CUX1: variants seen among roughly 807,000 people sequenced by gnomAD.
CUX1 encodes cut like homeobox 1, also known as protein CASP.
A neutral mutation model predicts 158.8 loss-of-function variants in CUX1; 31 were observed. The ratio of observed to expected loss-of-function variants is 0.20; its 90% CI spans 0.15 to 0.26. The LOEUF is 0.26. Among genes scored for constraint, CUX1 ranks in the 10% least tolerant of loss-of-function variants. The probability of loss-of-function intolerance (pLI) is 1.00; values close to 1 mark genes in which losing one functional copy is unlikely to be tolerated. For missense variants in CUX1, 1,589 were observed against 2,014.6 expected, an observed-to-expected ratio of 0.79 and a Z score of 4.04; for synonymous variants, 879 against 862.1, an observed-to-expected ratio of 1.02 and a Z score of -0.34.
At chr7:102,139,153 G>A (rs1204717550) in intron 8 of CUX1, among the ~76,000 whole-genome samples, 10 of 151,510 alleles carry the variant, frequency 6.6e-5, no homozygotes, top group African/African-American at 2.4e-4. Context: ...GCTGAGACCC[G>A]GGAATCACTT....
chr7:101,860,205 A>G (rs954470553), intron 1 of CUX1, among the ~76,000 whole-genome samples: 3 of 152,114 alleles, frequency 2.0e-5, no homozygotes, highest in Non-Finnish European at 1.5e-5. Context: ...TTCTTAAGAA[A>G]ATGTTTTCCT....
chr7:102,120,595 A>T (rs1831933209), intron 8 of CUX1, among the ~76,000 whole-genome samples: 1 of 152,232 alleles, frequency 6.6e-6, no homozygotes, highest in African/African-American at 2.4e-5. Flanking sequence ...ACTTAGGTTA[A>T]TTTTAGAGTA....
At chr7:101,890,255 CT>C (rs1358833344) in intron 1 of CUX1, among the ~76,000 whole-genome samples, 1 of 152,158 alleles carries the variant, frequency 6.6e-6, no homozygotes, top group Non-Finnish European at 1.5e-5. Context: ...TGTGGGGAGT[CT>C]TTTGGTTCAC....
chr7:102,104,425 C>G lies in CUX1; in HGVS notation c.496C>G (p.Gln166Glu), dbSNP rs1554487751. ...CGAAACCATAGCTCTTGAGAAGGAACAGAAGTTACAGAATGACTTTGCAGA... is the reference window on the plus strand; with the variant it reads ...CGAAACCATAGCTCTTGAGAAGGAAGAGAAGTTACAGAATGACTTTGCAGA... ...QAETIALEKEQKLQNDFAEKE... is the reference protein window; with the variant it reads ...QAETIALEKEEKLQNDFAEKE... The change falls in exon 6 of 24, where the codon CAG (glutamine) becomes GAG (glutamate). Residue 166 changes from glutamine (Q) to glutamate (E), a missense_variant. Gln to Glu is a conservative substitution (Grantham distance 29). Transcript: ENST00000292535. 2.5e-6 allele frequency: 4 copies of G among 1,612,860 alleles called. No individual in the cohort carries two copies. The highest frequency in any genetic ancestry group is 1.7e-5 in the Admixed American group (1 of 59,964).
At chr7:101,950,753 G>A (rs924325046) in intron 2 of CUX1, among the ~76,000 whole-genome samples, 7 of 152,060 alleles carry the variant, frequency 4.6e-5, no homozygotes, top group African/African-American at 1.4e-4. Flanking sequence ...GTCTCACTAC[G>A]TTGGCCAGGC....
chr7:102,022,510 C>T (rs553349020), intron 2 of CUX1, among the ~76,000 whole-genome samples: 5 of 151,696 alleles, frequency 3.3e-5, no homozygotes, highest in East Asian at 3.9e-4. Flanking sequence ...TCCAGCTGCT[C>T]GGGGTGCTGA....
rs10643207 is a variant in CUX1, at chr7:101,976,900, A to ATTTTTTTTTTTTTTTTTTTTTTTTT, written c.142-51194_142-51170dup. On this transcript the variant is annotated intron_variant, in intron 2 of 23. Coordinates refer to ENST00000292535, the MANE Select transcript of CUX1 (RefSeq NM_181552.4). ...ATTTGAATAGTCTTTTCCCTTTCTG[A>ATTTTTTTTTTTTTTTTTTTTTTTTT]TTTTTTTTTTTTTTTTTTTTTTTTT... Among the ~76,000 whole-genome samples, 5 of 39,462 alleles carry ATTTTTTTTTTTTTTTTTTTTTTTTT rather than the reference A, an allele frequency of 1.3e-4. 1 individual carries two copies. Among genetic ancestry groups the ATTTTTTTTTTTTTTTTTTTTTTTTT allele is most frequent in the African/African-American group, 3.3e-4 (3 of 9,022 alleles). 25.9% of individuals were successfully genotyped at this position (39,462 alleles called of 152,430 possible).
At chr7:101,976,825 C>A (rs1038620817) in intron 2 of CUX1, among the ~76,000 whole-genome samples, 1 of 150,412 alleles carries the variant, frequency 6.6e-6, no homozygotes, top group East Asian at 1.9e-4. Context: ...GCTCCAACTT[C>A]CCGAGATTTA....
chr7:102,006,909 A>T (rs1048164762), intron 2 of CUX1, among the ~76,000 whole-genome samples: 1 of 152,246 alleles, frequency 6.6e-6, no homozygotes. Context: ...GCCGGGATGC[A>T]GCGGAAAGCC....
Position 102,201,060 on chromosome 7 carries a change from G to T in CUX1, c.2063-300G>T, listed in dbSNP as rs928269550. Among the ~76,000 whole-genome samples the T allele has an allele frequency of 7.0e-6, 1 of 142,282 alleles. No homozygotes were observed. The highest frequency in any genetic ancestry group is 2.2e-4 in the South Asian group (1 of 4,480). 93.3% of individuals were successfully genotyped at this position (142,282 alleles called of 152,430 possible). A position where few individuals can be genotyped will look rare whatever the true frequency, so the allele number is the denominator to read the frequency against. ...AAAAAAAAAAAAAAAAAAAATTCTCGGGGAAAGGAGCCCCAGGAGGGCAGG... is the reference window on the plus strand; with the variant it reads ...AAAAAAAAAAAAAAAAAAAATTCTCTGGGAAAGGAGCCCCAGGAGGGCAGG... On this transcript the variant is annotated intron_variant, in intron 17 of 23. Transcript: ENST00000292535. This position sits in a 1 kb window ranked among gnomAD's most constrained non-coding sequence, Gnocchi z 5.0.
chr7:101,848,869 A>T lies in CUX1; in HGVS notation c.30+31200A>T, dbSNP rs1190321198. On this transcript the variant is annotated intron_variant, in intron 1 of 23. Transcript: ENST00000292535. ...CTCCAGGAAACGGAAAAAAAAAAAGAGTTTGAAAAAAGTGTGTAGACTAAC... is the reference window on the plus strand; with the variant it reads ...CTCCAGGAAACGGAAAAAAAAAAAGTGTTTGAAAAAAGTGTGTAGACTAAC... Among the ~76,000 whole-genome samples the T allele has an allele frequency of 3.8e-4, 57 of 150,514 alleles. No homozygotes were observed. In the Admixed American group the frequency reaches 3.8e-3, roughly 10 times the overall value.
intron 9 of CUX1, among the ~76,000 whole-genome samples, chr7:102,169,742 G>A (rs1791504083): frequency 6.6e-6 from 1 of 152,206 alleles, no homozygotes; most frequent in South Asian, 2.1e-4. Flanking sequence ...CTCTCTGGGG[G>A]TGGTTGTTTC....
At chr7:101,970,709 C>A (rs1028693183) in intron 2 of CUX1, among the ~76,000 whole-genome samples, 1 of 152,092 alleles carries the variant, frequency 6.6e-6, no homozygotes, top group Non-Finnish European at 1.5e-5. Flanking sequence ...GCGCGTACGA[C>A]CATACCCGGC....
chr7:102,119,505 G>C (rs1349425060), intron 8 of CUX1, among the ~76,000 whole-genome samples: 1 of 152,210 alleles, frequency 6.6e-6, no homozygotes, highest in African/African-American at 2.4e-5. Flanking sequence ...GCTGGTCTTT[G>C]TTTTGTCCTG....
chr7:102,241,472 C>T (rs571279074), intron 23 of CUX1, among the ~76,000 whole-genome samples: 1 of 152,268 alleles, frequency 6.6e-6, no homozygotes, highest in African/African-American at 2.4e-5. Context: ...GCCCTCCCAG[C>T]TGTGCACATG....
chr7:101,928,023 G>A (rs908407536), intron 2 of CUX1, among the ~76,000 whole-genome samples: 4 of 152,100 alleles, frequency 2.6e-5, no homozygotes, highest in East Asian at 1.9e-4. Context: ...GCCATGTGTC[G>A]CTTCCTTCAT....
chr7:102,220,158 C>T (rs1273134418), intron 20 of CUX1, among the ~76,000 whole-genome samples: 1 of 152,088 alleles, frequency 6.6e-6, no homozygotes, highest in African/African-American at 2.4e-5. Flanking sequence ...GTCAGGAGTT[C>T]GAGACCAGCC....
intron 2 of CUX1, among the ~76,000 whole-genome samples, chr7:102,002,739 C>T (rs150375299): frequency 0.012 from 1,836 of 152,206 alleles, 14 homozygotes; most frequent in Non-Finnish European, 0.018. Context: ...GCAGTGAGTG[C>T]TCTCTGCAGA....
intron 2 of CUX1, among the ~76,000 whole-genome samples, chr7:101,980,868 T>G (rs1813353839): frequency 6.6e-6 from 1 of 152,160 alleles, no homozygotes; most frequent in Non-Finnish European, 1.5e-5. Context: ...CACCTGCGCT[T>G]CCTGACTCCT....
Sources: gnomAD v4.1 joint callset for allele counts (sites outside exome capture counted in the v4.1 genomes callset) on GRCh38, gnomAD v4.1.1 for gene constraint, Gnocchi (gnomAD v3.1) non-coding constraint, MANE v1.5 for transcripts, NCBI Gene and HGNC (gene_info 2026-07-23, HGNC 2026-07-21) for gene names.